Variants in TMEM181 observed in about 807,000 individuals in gnomAD.
TMEM181 encodes G protein-coupled receptor 178.
TMEM181 carries 39 observed loss-of-function variants against 71.9 expected under a neutral mutation model. That is an observed-to-expected ratio of 0.54 (90% CI 0.42 to 0.71). The LOEUF is 0.71. Among genes scored for constraint, TMEM181 ranks in the 30% least tolerant of loss-of-function variants. The pLI is 0.00. For missense variants in TMEM181, 595 were observed against 583.0 expected (o/e 1.02, Z -0.21); for synonymous variants, 245 against 228.8 (o/e 1.07, Z -0.64).
At chr6:158,588,035 C>T (rs896220657) in intron 5 of TMEM181, among the ~76,000 whole-genome samples, 1 of 152,192 alleles carries the variant, frequency 6.6e-6, no homozygotes. Context: ...TTAGTTTTGT[C>T]GAGAAGGTGG....
At chr6:158,558,240 A>G (rs1781977481), upstream of TMEM181, among the ~76,000 whole-genome samples, 1 of 152,228 alleles carries the variant, frequency 6.6e-6, no homozygotes, top group South Asian at 2.1e-4. Context: ...ACATCATCTC[A>G]TGCTGCTCTG....
intron 16 of TMEM181, 116 bp downstream of exon 16, chr6:158,631,505 T>G: frequency 1.7e-6 from 2 of 1,168,662 alleles, no homozygotes; most frequent in South Asian, 1.3e-5. Flanking sequence ...GCATTTACCT[T>G]GGAGTGTCAA....
rs548858164 is a variant in TMEM181, at chr6:158,580,635, TGCATGTAGA to T, written c.113-303_113-295del. Among the ~76,000 whole-genome samples the T allele has an allele frequency of 3.3e-5, 5 of 152,224 alleles. No homozygotes were observed. In the South Asian group the frequency reaches 6.2e-4, roughly 19 times the overall value. On this transcript the variant is annotated intron_variant, in intron 2 of 16. Coordinates refer to ENST00000684151, the MANE Select transcript of TMEM181 (RefSeq NM_001376852.1). Reference sequence around the variant, plus strand: ...TATAGTTAATGCCTTCTTGGGCCCATGCATGTAGAGAGTGCTCTCATTGAGAGCCTAGCA... The same window carrying T: ...TATAGTTAATGCCTTCTTGGGCCCATGAGTGCTCTCATTGAGAGCCTAGCA...
chr6:158,600,944 T>G (rs4709227), intron 6 of TMEM181, among the ~76,000 whole-genome samples: 43,840 of 151,978 alleles, frequency 0.29, 6,798 homozygotes, highest in East Asian at 0.61. Context: ...TTCAGACGTA[T>G]TTTGTGTTTT....
chr6:158,568,655 G>A (rs1331205430), intron 1 of TMEM181, among the ~76,000 whole-genome samples: 2 of 152,146 alleles, frequency 1.3e-5, no homozygotes, highest in African/African-American at 2.4e-5. Flanking sequence ...AGACTTACTC[G>A]GTCACTGGTC....
At chr6:158,572,288 T>C in intron 1 of TMEM181, 1 of 384,936 alleles carries the variant, frequency 2.6e-6, no homozygotes, top group Admixed American at 2.9e-5. Context: ...GCCAGTAACC[T>C]TCCTGCAGGG....
At chr6:158,559,686 T>C (rs1582938863), upstream of TMEM181, among the ~76,000 whole-genome samples, 1 of 152,324 alleles carries the variant, frequency 6.6e-6, no homozygotes, top group South Asian at 2.1e-4. Context: ...TTAACCTTTT[T>C]TGGGGTCACA....
chr6:158,585,665 C>T (rs1416283535), intron 5 of TMEM181, among the ~76,000 whole-genome samples: 12 of 152,182 alleles, frequency 7.9e-5, no homozygotes, highest in African/African-American at 1.7e-4. Context: ...CACACGTGTA[C>T]GCACATATGC....
intron 10 of TMEM181, among the ~76,000 whole-genome samples, chr6:158,613,741 C>G (rs1025164188): frequency 6.6e-6 from 1 of 152,240 alleles, no homozygotes; most frequent in African/African-American, 2.4e-5. Context: ...TATATTCTTA[C>G]CGCACTGATG....
chr6:158,555,204 C>G (rs745387442), upstream of TMEM181, among the ~76,000 whole-genome samples: 5 of 152,164 alleles, frequency 3.3e-5, no homozygotes, highest in Non-Finnish European at 7.3e-5. Context: ...TTTTTGGCCC[C>G]TGTGTGGCAG....
intron 10 of TMEM181, among the ~76,000 whole-genome samples, chr6:158,621,160 A>G (rs1192285005): frequency 3.3e-5 from 5 of 152,154 alleles, no homozygotes; most frequent in Non-Finnish European, 7.4e-5. Context: ...ATTAGGACCC[A>G]CTGTTCTACT....
At chr6:158,566,495 G>A (rs1329557376) in intron 1 of TMEM181, among the ~76,000 whole-genome samples, 3 of 148,352 alleles carry the variant, frequency 2.0e-5, no homozygotes, top group African/African-American at 7.5e-5. Context: ...CCTGAGGGAG[G>A]TGATGGGGTG....
intron 6 of TMEM181, among the ~76,000 whole-genome samples, chr6:158,591,002 A>G (rs1367455200): frequency 1.3e-5 from 2 of 152,218 alleles, no homozygotes; most frequent in African/African-American, 4.8e-5. Context: ...TGATGTCTCA[A>G]GGTCCATCCA....
At chr6:158,564,360 C>A (rs1463730273) in intron 1 of TMEM181, among the ~76,000 whole-genome samples, 2 of 152,210 alleles carry the variant, frequency 1.3e-5, no homozygotes, top group Admixed American at 6.5e-5. Context: ...TGCATCCTCT[C>A]ACCCCAGCCT....
exon 1 of TMEM181, chr6:158,536,812 G>T: frequency 6.4e-7 from 1 of 1,556,924 alleles, no homozygotes; most frequent in East Asian, 2.5e-5. Context: ...TGCGGGAAGC[G>T]TACCGCGAGC....
intron 3 of TMEM181, among the ~76,000 whole-genome samples, chr6:158,582,011 A>G (rs1783511296): frequency 6.6e-6 from 1 of 152,038 alleles, no homozygotes; most frequent in South Asian, 2.1e-4. Context: ...CTGTTCTCAC[A>G]CTTCCCTGCT....
intron 1 of TMEM181, among the ~76,000 whole-genome samples, chr6:158,548,081 T>G (rs1352639856): frequency 6.6e-6 from 1 of 151,968 alleles, no homozygotes; most frequent in Non-Finnish European, 1.5e-5. Flanking sequence ...CAGGGCTGCT[T>G]GAGGGCCAGG....
At chr6:158,565,945 C>A (rs1331891275) in intron 1 of TMEM181, among the ~76,000 whole-genome samples, 6 of 152,204 alleles carry the variant, frequency 3.9e-5, no homozygotes, top group Admixed American at 3.3e-4. Flanking sequence ...AAGGACAGTT[C>A]CCGGCACCTC....
At chr6:158,601,666 G>C (rs984888576) in intron 6 of TMEM181, among the ~76,000 whole-genome samples, 13 of 151,980 alleles carry the variant, frequency 8.6e-5, no homozygotes, top group Admixed American at 7.9e-4. Context: ...GGCTGAGGCA[G>C]GAGAATCGCT....
Sources: gnomAD v4.1 joint callset for allele counts (sites outside exome capture counted in the v4.1 genomes callset) on GRCh38, gnomAD v4.1.1 for gene constraint, MANE v1.5 for transcripts, NCBI Gene and HGNC (gene_info 2026-07-23, HGNC 2026-07-21) for gene names.